The following BYSL variants were observed in gnomAD, a reference collection of about 807,000 sequenced individuals.
BYSL encodes the protein bystin like.
BYSL carries 21 observed loss-of-function variants against 45.4 expected under a neutral mutation model. The ratio of observed to expected loss-of-function variants is 0.46; its 90% CI spans 0.33 to 0.67. The LOEUF is 0.67. BYSL is among the 30% of genes least tolerant of loss of function. The pLI, the probability that BYSL is intolerant of heterozygous loss-of-function variation, is 0.02. For synonymous variants in BYSL, 215 were observed against 231.3 expected (o/e 0.93, Z 0.64); for missense variants, 522 against 578.5 (o/e 0.90, Z 1.00).
In BYSL at chr6:41,931,766, C is replaced by T; in HGVS notation, c.904C>T (p.Leu302Phe). 2 of 1,614,140 alleles carry T rather than the reference C, an allele frequency of 1.2e-6. No individual in the cohort carries two copies. Among genetic ancestry groups the T allele is most frequent in the Non-Finnish European group, 1.7e-6 (2 of 1,180,020 alleles). The change falls in exon 6 of 7, where the codon CTC (leucine) becomes TTC (phenylalanine). Residue 302 changes from leucine (L) to phenylalanine (F), a missense_variant. By Grantham distance (22) the Leu-to-Phe change is conservative. Coordinates refer to ENST00000230340, the MANE Select transcript of BYSL (RefSeq NM_004053.4). ...ACTGTGCGAGTCTGGCACTTGTACC[C>T]TCCGGGAAGCCATCATTGTGGGTAG... ...IPLCESGTCT[L>F]REAIIVGSII...
chr6:41,921,817 C>G lies in BYSL; in HGVS notation c.255C>G (p.Arg85=), dbSNP rs748654332. 1.2e-6 allele frequency: 2 copies of G among 1,611,202 alleles called. No individual in the cohort carries two copies. The highest frequency in any genetic ancestry group is 1.7e-6 in the Non-Finnish European group (2 of 1,179,048). The change falls in exon 1 of 7, where the codon CGC becomes CGG. Residue 85 remains arginine (R), a synonymous_variant. Transcript: ENST00000230340. The part of the protein sequence containing the change: ...TGDKPAAPRE[R]TTRLGPRMPQ... ...ACAAGCCCGCGGCGCCGCGGGAACG[C>G]ACCACGCGGCTGGGTGAGTGTCTGG...
chr6:41,926,106 G>A (rs1775560292), intron 1 of BYSL, among the ~76,000 whole-genome samples: 1 of 152,192 alleles, frequency 6.6e-6, no homozygotes, highest in African/African-American at 2.4e-5. Context: ...TATTGCCTAG[G>A]AGACTCTTAT....
chr6:41,922,813 T>G (rs1215369452), intron 1 of BYSL, among the ~76,000 whole-genome samples: 2 of 152,218 alleles, frequency 1.3e-5, no homozygotes, highest in Non-Finnish European at 2.9e-5. Context: ...ATTTAACATG[T>G]ACAAAACAGA....
chr6:41,921,202 G>A, upstream of BYSL: 1 of 755,598 alleles, frequency 1.3e-6, no homozygotes, highest in Non-Finnish European at 2.1e-6. Flanking sequence ...GGCACCCCTC[G>A]GTGACGCCTC....
At chr6:41,931,358 G>C (rs143422508) in intron 4 of BYSL, 38 bp from the exon 5 acceptor site, 5 of 1,611,696 alleles carry the variant, frequency 3.1e-6, no homozygotes, top group African/African-American at 2.7e-5. Context: ...CCAGACTGTC[G>C]TGTGAGTTGG....
upstream of BYSL, among the ~76,000 whole-genome samples, chr6:41,918,333 G>A (rs1438242791): frequency 1.3e-5 from 2 of 151,222 alleles, no homozygotes; most frequent in Non-Finnish European, 1.5e-5. Flanking sequence ...GTGAAACCCT[G>A]TCTCTACCAA....
chr6:41,914,727 A>AC, the BYSL span, among the ~76,000 whole-genome samples: 4 of 152,004 alleles, frequency 2.6e-5, no homozygotes, highest in Non-Finnish European at 5.9e-5. Flanking sequence ...AAAAGAAAAA[A>AC]AAAAAAAGTC....
At chr6:41,920,998 G>C (rs750998632), upstream of BYSL, 1 of 1,612,606 alleles carries the variant, frequency 6.2e-7, no homozygotes, top group Non-Finnish European at 8.5e-7. Context: ...ACCCCCTGCA[G>C]TCCTACCAAG....
the BYSL span, among the ~76,000 whole-genome samples, chr6:41,913,304 T>C: frequency 0.018 from 2,701 of 152,136 alleles, 84 homozygotes; most frequent in African/African-American, 0.06. Flanking sequence ...GAAGCTCCAA[T>C]CCAGGCATGC....
At chr6:41,916,258 TAAATAAAATAAAATA>T in the BYSL span, among the ~76,000 whole-genome samples, 37 of 148,350 alleles carry the variant, frequency 2.5e-4, no homozygotes, top group African/African-American at 7.0e-4. Flanking sequence ...CTCAAAAAAA[TAAATAAAATAAAATA>T]AAATAAAATA....
At chr6:41,919,703 G>C (rs1470680569), upstream of BYSL, among the ~76,000 whole-genome samples, 1 of 152,126 alleles carries the variant, frequency 6.6e-6, no homozygotes, top group Non-Finnish European at 1.5e-5. Flanking sequence ...ACCAAAGCAG[G>C]AGGCTCGCTT....
At position 41,932,406 on chromosome 6, in the gene BYSL, C is replaced by T. The variant is rs1775653872; in HGVS notation, c.1014C>T (p.Asn338=). The change falls in exon 7 of 7, where the codon AAC becomes AAT. Residue 338 remains asparagine, a synonymous_variant. Coordinates refer to ENST00000230340, the MANE Select transcript of BYSL (RefSeq NM_004053.4). This position sits in a 1 kb window ranked among gnomAD's most constrained non-coding sequence, Gnocchi z 4.7. ...CTGAGATGGAATACAGCGGTGCCAA[C>T]AGCATCTTCCTGCGACTGCTGCTGG... ...KIAEMEYSGA[N]SIFLRLLLDK... is the part of the protein sequence containing the mutation. 6.2e-7 allele frequency: 1 copy of T among 1,613,658 alleles called. No homozygotes were observed. Among genetic ancestry groups the T allele is most frequent in the African/African-American group, 1.3e-5 (1 of 74,922 alleles).
intron 1 of BYSL, among the ~76,000 whole-genome samples, chr6:41,923,297 A>G (rs1259182983): frequency 6.8e-6 from 1 of 148,062 alleles, no homozygotes; most frequent in Admixed American, 6.7e-5. Flanking sequence ...GTGTGCCACC[A>G]TGTCCAACTA....
chr6:41,918,147 T>A (rs76032968), upstream of BYSL, among the ~76,000 whole-genome samples: 519 of 152,284 alleles, frequency 3.4e-3, 4 homozygotes, highest in African/African-American at 0.012. Flanking sequence ...GGCCTTTAGA[T>A]GAATTAACTC....
chr6:41,926,274 TG>T (rs937382354), intron 1 of BYSL, among the ~76,000 whole-genome samples: 1 of 152,154 alleles, frequency 6.6e-6, no homozygotes, highest in Non-Finnish European at 1.5e-5. Context: ...TGTAGAATAG[TG>T]GTGAAGAATG....
chr6:41,931,958 A>G (rs1424423859), intron 6 of BYSL, 128 bp downstream of exon 6: 3 of 870,930 alleles, frequency 3.4e-6, no homozygotes, highest in Non-Finnish European at 5.7e-6. Context: ...GTTTAAGCCA[A>G]TGAGTAGGTG....
the BYSL span, among the ~76,000 whole-genome samples, chr6:41,914,644 A>C: frequency 6.6e-6 from 1 of 152,076 alleles, no homozygotes; most frequent in South Asian, 2.1e-4. Context: ...GCCTAAGCCC[A>C]GGAGTTAGAG....
At chr6:41,910,466 T>C in the BYSL span, among the ~76,000 whole-genome samples, 4 of 151,300 alleles carry the variant, frequency 2.6e-5, no homozygotes, top group Admixed American at 1.3e-4. Flanking sequence ...AACATGTCTC[T>C]ACTAAAAATA....
In BYSL at chr6:41,931,837, T is replaced by C; in HGVS notation, c.968+7T>C. On this transcript the variant is annotated splice_region_variant and intron_variant, in intron 6 of 6. Transcript: ENST00000230340. Reference sequence around the variant, plus strand: ...TCCCTGTGTTGCACTCCAGGTAGTATTGCTGGGGGTGGAAGGGGGCTGGTC... The same window carrying C: ...TCCCTGTGTTGCACTCCAGGTAGTACTGCTGGGGGTGGAAGGGGGCTGGTC... 6.2e-7 allele frequency: 1 copy of C among 1,609,858 alleles called. No individual in the cohort carries two copies. The highest frequency in any genetic ancestry group is 8.5e-7 in the Non-Finnish European group (1 of 1,176,244).
Sources: gnomAD v4.1 joint callset for allele counts (sites outside exome capture counted in the v4.1 genomes callset) on GRCh38, gnomAD v4.1.1 for gene constraint, Gnocchi (gnomAD v3.1) non-coding constraint, MANE v1.5 for transcripts, NCBI Gene and HGNC (gene_info 2026-07-23, HGNC 2026-07-21) for gene names.